CACNA1C: variants seen among roughly 807,000 people sequenced by gnomAD.
CACNA1C encodes the protein calcium voltage-gated channel subunit alpha1 C.
CACNA1C carries 30 observed loss-of-function variants against 229.0 expected under a neutral mutation model. That is an observed-to-expected ratio of 0.13 (90% CI 0.10 to 0.18). The LOEUF is 0.18. CACNA1C is among the 10% of genes least tolerant of loss of function. CACNA1C has a pLI of 1.00. For synonymous variants in CACNA1C, 1,114 were observed against 1,132.5 expected (o/e 0.98, Z 0.33); for missense variants, 1,658 against 2,845.0 (o/e 0.58, Z 9.49).
At chr12:2,223,722 A>G (rs768769288) in intron 3 of CACNA1C, among the ~76,000 whole-genome samples, 2 of 152,204 alleles carry the variant, frequency 1.3e-5, no homozygotes, top group Non-Finnish European at 2.9e-5. Context: ...TGCCAGTGCT[A>G]TTGGATTTGA....
chr12:2,043,521 G>T (rs1406983947), intron 1 of CACNA1C, among the ~76,000 whole-genome samples: 1 of 152,094 alleles, frequency 6.6e-6, no homozygotes, highest in Non-Finnish European at 1.5e-5. Context: ...ACCTGGAGGT[G>T]ACACAGTCAC....
chr12:2,186,791 C>A (rs1220500507), intron 3 of CACNA1C, among the ~76,000 whole-genome samples: 2 of 152,160 alleles, frequency 1.3e-5, no homozygotes, highest in Admixed American at 6.5e-5. Flanking sequence ...TCTCATTAGC[C>A]CCACTTGCCA....
chr12:2,097,460 T>G (rs1401962522), intron 1 of CACNA1C, among the ~76,000 whole-genome samples: 1 of 152,182 alleles, frequency 6.6e-6, no homozygotes, highest in Non-Finnish European at 1.5e-5. Flanking sequence ...TTAATTTTTT[T>G]GAGGAACTTT....
intron 5 of CACNA1C, among the ~76,000 whole-genome samples, chr12:2,482,487 T>C (rs2154569915): frequency 6.6e-6 from 1 of 152,292 alleles, no homozygotes; most frequent in Middle Eastern, 3.4e-3. Context: ...ATCAGAAACA[T>C]ATGGTTACAA....
chr12:2,294,553 G>A (rs902489469), intron 3 of CACNA1C, among the ~76,000 whole-genome samples: 3 of 152,034 alleles, frequency 2.0e-5, no homozygotes, highest in East Asian at 3.9e-4. Flanking sequence ...TGATGTGGTG[G>A]GGGAAAGATT....
At chr12:2,119,178 G>A (rs2085364420) in intron 2 of CACNA1C, among the ~76,000 whole-genome samples, 1 of 152,206 alleles carries the variant, frequency 6.6e-6, no homozygotes, top group African/African-American at 2.4e-5. Context: ...GCCTCAGAGG[G>A]TTAGACTAGA....
chr12:2,343,292 A>C (rs2096914806), intron 3 of CACNA1C, among the ~76,000 whole-genome samples: 1 of 152,248 alleles, frequency 6.6e-6, no homozygotes, highest in Admixed American at 6.5e-5. Flanking sequence ...TTTGAGATTT[A>C]GTGCCTGGGT....
rs2050848609 is a variant in CACNA1C, at chr12:2,566,325, C to T, written c.1509-97C>T. 2.6e-6 allele frequency: 3 copies of T among 1,157,632 alleles called. No individual in the cohort carries two copies. Among genetic ancestry groups the T allele is most frequent in the East Asian group, 5.2e-5 (2 of 38,232 alleles). 71.7% of individuals were successfully genotyped at this position (1,157,632 alleles called of 1,614,324 possible). On this transcript the variant is annotated intron_variant, in intron 11 of 46. Coordinates refer to ENST00000399655, the MANE Select transcript of CACNA1C (RefSeq NM_000719.7). The surrounding 1 kb of genome is among the most constrained non-coding windows in gnomAD (Gnocchi z 4.0). ...TTGGGCTGCTCTAGCAAGGCCAGAT[C>T]AGTGAGGGGCGAGAAGAGCCATGGT...
At chr12:2,136,289 G>A (rs2093479605) in intron 3 of CACNA1C, among the ~76,000 whole-genome samples, 2 of 151,356 alleles carry the variant, frequency 1.3e-5, no homozygotes, top group Middle Eastern at 3.2e-3. Context: ...GTAGACCGGA[G>A]CTGTTCCTAT....
In CACNA1C at chr12:2,605,580, A is replaced by T; in HGVS notation, c.3049-99A>T. 1 of 820,950 alleles carries T rather than the reference A, an allele frequency of 1.2e-6. No individual in the cohort carries two copies. Among genetic ancestry groups the T allele is most frequent in the Non-Finnish European group, 2.1e-6 (1 of 475,550 alleles). 50.9% of individuals were successfully genotyped at this position (820,950 alleles called of 1,614,324 possible). On this transcript the variant is annotated intron_variant, in intron 23 of 46. Coordinates refer to ENST00000399655, the MANE Select transcript of CACNA1C (RefSeq NM_000719.7). The surrounding 1 kb of genome is among the most constrained non-coding windows in gnomAD (Gnocchi z 6.2). ...TGGCTTTGCCCCTCTCAGCCCAATT[A>T]CTCCCCGTTGTGGCAAACGGGCTGC...
intron 3 of CACNA1C, among the ~76,000 whole-genome samples, chr12:2,218,775 G>T (rs1053440955): frequency 6.6e-6 from 1 of 152,196 alleles, no homozygotes; most frequent in Non-Finnish European, 1.5e-5. Context: ...AAAACAGGGA[G>T]GTTCTCAGAT....
In CACNA1C at chr12:2,181,090, T is replaced by TG. The variant is rs2096827158; in HGVS notation, c.477+60666dup. 6.6e-6 allele frequency among the ~76,000 whole-genome samples: 1 copy of TG among 152,180 alleles called. No homozygotes were observed. Among genetic ancestry groups the TG allele is most frequent in the Admixed American group, 6.5e-5 (1 of 15,286 alleles). ...CATATCAGACTCAAATGTTTTCTTC[T>TG]GGGGGGTTACAGTCTGGGGAAGACC... On this transcript the variant is annotated intron_variant, in intron 3 of 46. Coordinates refer to ENST00000399655, the MANE Select transcript of CACNA1C (RefSeq NM_000719.7). The surrounding 1 kb of genome is among the most constrained non-coding windows in gnomAD (Gnocchi z 4.0).
chr12:2,617,874 C>T (rs1169879452), intron 29 of CACNA1C, among the ~76,000 whole-genome samples: 1 of 152,210 alleles, frequency 6.6e-6, no homozygotes, highest in East Asian at 1.9e-4. Context: ...CATAGAGAAA[C>T]AACAGCCCAG....
intron 3 of CACNA1C, among the ~76,000 whole-genome samples, chr12:2,177,243 C>T (rs559727450): frequency 6.6e-6 from 1 of 152,258 alleles, no homozygotes; most frequent in African/African-American, 2.4e-5. Flanking sequence ...CGATACAAGC[C>T]GCCTCTATCC....
At chr12:2,573,345 C>A (rs755428273) in intron 13 of CACNA1C, among the ~76,000 whole-genome samples, 1 of 152,222 alleles carries the variant, frequency 6.6e-6, no homozygotes, top group Non-Finnish European at 1.5e-5. Context: ...TACATCTCCA[C>A]TGTCTTCTCC....
chr12:2,131,661 T>A (rs2092239785), intron 3 of CACNA1C, among the ~76,000 whole-genome samples: 1 of 145,668 alleles, frequency 6.9e-6, no homozygotes, highest in South Asian at 2.3e-4. Context: ...TCCATTGATC[T>A]ATATCTCTGT....
Position 2,319,367 on chromosome 12 carries a change from C to T in CACNA1C, c.478-129609C>T, listed in dbSNP as rs2095855438. 6.6e-6 allele frequency among the ~76,000 whole-genome samples: 1 copy of T among 152,030 alleles called. No homozygotes were observed. The highest frequency in any genetic ancestry group is 1.5e-5 in the Non-Finnish European group (1 of 67,990). On this transcript the variant is annotated intron_variant, in intron 3 of 46. Transcript: ENST00000399655. The surrounding 1 kb of genome is among the most constrained non-coding windows in gnomAD (Gnocchi z 4.0). ...ACATGGGGGCAGTGTGCTTGGTAGG[C>T]AGCGTACCTGATGGGTGGCGTACAT...
chr12:2,506,108 A>G (rs962795808), intron 8 of CACNA1C, among the ~76,000 whole-genome samples: 4 of 152,132 alleles, frequency 2.6e-5, no homozygotes, highest in Non-Finnish European at 5.9e-5. Context: ...TCCACCTCCC[A>G]TGGAGAATGG....
chr12:2,506,742 T>C (rs1265201451), intron 8 of CACNA1C, among the ~76,000 whole-genome samples: 1 of 152,104 alleles, frequency 6.6e-6, no homozygotes, highest in Non-Finnish European at 1.5e-5. Context: ...CCGCCTCCCA[T>C]GAGATCTATG....
Sources: gnomAD v4.1 joint callset for allele counts (sites outside exome capture counted in the v4.1 genomes callset) on GRCh38, gnomAD v4.1.1 for gene constraint, Gnocchi (gnomAD v3.1) non-coding constraint, MANE v1.5 for transcripts, NCBI Gene and HGNC (gene_info 2026-07-23, HGNC 2026-07-21) for gene names.